The following TMEM45B variants were observed in gnomAD, a reference collection of about 807,000 sequenced individuals.
TMEM45B encodes transmembrane protein 45B.
In TMEM45B, 29 loss-of-function variants were observed where a neutral mutation model predicts 27.3. The ratio of observed to expected loss-of-function variants is 1.06; its 90% CI spans 0.79 to 1.45. The LOEUF is 1.45. Ranked by LOEUF, TMEM45B falls within the 40% of genes most tolerant of loss-of-function variation. The probability of loss-of-function intolerance (pLI) is 0.00; values close to 1 mark genes in which losing one functional copy is unlikely to be tolerated. For missense variants in TMEM45B, 348 were observed against 343.9 expected, an observed-to-expected ratio of 1.01 and a Z score of -0.09; for synonymous variants, 143 against 134.7, an observed-to-expected ratio of 1.06 and a Z score of -0.43.
intron 1 of TMEM45B, among the ~76,000 whole-genome samples, chr11:129,827,597 A>G (rs894867286): frequency 6.6e-6 from 1 of 152,118 alleles, no homozygotes; most frequent in African/African-American, 2.4e-5. Flanking sequence ...TGAGGTCGGG[A>G]GTTTGAGACC....
At chr11:129,835,843 C>T (rs904720133) in intron 1 of TMEM45B, among the ~76,000 whole-genome samples, 5 of 152,174 alleles carry the variant, frequency 3.3e-5, no homozygotes, top group African/African-American at 9.7e-5. Context: ...TTGGGCTGGG[C>T]GCAGTGGCTC....
intron 1 of TMEM45B, among the ~76,000 whole-genome samples, chr11:129,840,607 G>T (rs927912722): frequency 6.6e-6 from 1 of 152,102 alleles, no homozygotes; most frequent in Non-Finnish European, 1.5e-5. Context: ...AGCGGGCTGG[G>T]CACAGTGGCT....
intron 5 of TMEM45B, 163 bp downstream of exon 5, chr11:129,857,621 G>A (rs1947949483): frequency 5.1e-6 from 4 of 788,554 alleles, no homozygotes; most frequent in Non-Finnish European, 7.9e-6. Context: ...AGGGGAATGA[G>A]GCTTTTCAAA....
chr11:129,823,319 A>G (rs1230832318), intron 1 of TMEM45B, among the ~76,000 whole-genome samples: 3 of 152,154 alleles, frequency 2.0e-5, no homozygotes, highest in East Asian at 3.9e-4. Context: ...AAGGGAACAG[A>G]TACTACGTTT....
chr11:129,845,106 C>G (rs906943397), intron 1 of TMEM45B, among the ~76,000 whole-genome samples: 12 of 152,076 alleles, frequency 7.9e-5, no homozygotes, highest in African/African-American at 2.7e-4. Context: ...AGTTTATAAC[C>G]TAGACTTTAT....
intron 1 of TMEM45B, among the ~76,000 whole-genome samples, chr11:129,850,149 G>GT (rs775617921): frequency 0.014 from 2,007 of 142,308 alleles, 25 homozygotes; most frequent in African/African-American, 0.035. Flanking sequence ...CTTTTCTCAC[G>GT]TTTTTTTTTT....
At chr11:129,817,757 C>T (rs1947369667) in intron 1 of TMEM45B, among the ~76,000 whole-genome samples, 1 of 152,178 alleles carries the variant, frequency 6.6e-6, no homozygotes, top group Non-Finnish European at 1.5e-5. Flanking sequence ...TGTTTCTCAT[C>T]TCCCCCCTAC....
At chr11:129,817,473 T>C (rs928141600) in intron 1 of TMEM45B, among the ~76,000 whole-genome samples, 6 of 152,156 alleles carry the variant, frequency 3.9e-5, no homozygotes, top group African/African-American at 1.4e-4. Flanking sequence ...ATTTTACAAG[T>C]GGAGGTGACT....
chr11:129,817,024 G>A (rs1411516214), intron 1 of TMEM45B, among the ~76,000 whole-genome samples: 4 of 151,784 alleles, frequency 2.6e-5, no homozygotes, highest in African/African-American at 9.7e-5. Flanking sequence ...GGGATTACAG[G>A]CGTGAACCAC....
intron 1 of TMEM45B, chr11:129,828,014 T>C (rs1382510393): frequency 7.4e-6 from 1 of 134,434 alleles, no homozygotes; most frequent in Non-Finnish European, 1.7e-5. Flanking sequence ...GGGGCCACCA[T>C]CATACATGCC....
At chr11:129,823,367 T>C (rs1021435841) in intron 1 of TMEM45B, among the ~76,000 whole-genome samples, 1 of 152,196 alleles carries the variant, frequency 6.6e-6, no homozygotes, top group African/African-American at 2.4e-5. Context: ...TTAAGGCCTC[T>C]CACTTGGAAA....
chr11:129,842,704 T>A (rs1243704089), intron 1 of TMEM45B, among the ~76,000 whole-genome samples: 1 of 152,014 alleles, frequency 6.6e-6, no homozygotes, highest in Non-Finnish European at 1.5e-5. Flanking sequence ...TAGAAGAAAA[T>A]ATGCAGGGAA....
In TMEM45B at chr11:129,855,908, C is replaced by T; in HGVS notation, c.570+16C>T. 1 of 1,613,556 alleles carries T rather than the reference C, an allele frequency of 6.2e-7. No homozygotes were observed. The highest frequency in any genetic ancestry group is 8.5e-7 in the Non-Finnish European group (1 of 1,179,674). On this transcript the variant is annotated intron_variant, in intron 4 of 5. Transcript: ENST00000281441. ...GTTCTGGCAGGTGATTTTCCACACC[C>T]AGGCCCCTCGCTGGTCTGGATGGAG...
intron 1 of TMEM45B, among the ~76,000 whole-genome samples, chr11:129,825,737 A>G (rs1237813522): frequency 6.6e-6 from 1 of 152,148 alleles, no homozygotes; most frequent in Non-Finnish European, 1.5e-5. Flanking sequence ...TGCTGAGGGA[A>G]GGAAGGAAGG....
At chr11:129,829,635 G>C (rs188467837) in intron 1 of TMEM45B, among the ~76,000 whole-genome samples, 145 of 152,250 alleles carry the variant, frequency 9.5e-4, no homozygotes, top group African/African-American at 3.3e-3. Context: ...CTAGAACTCT[G>C]CCCACACTAC....
intron 1 of TMEM45B, among the ~76,000 whole-genome samples, chr11:129,847,782 T>C (rs1354167543): frequency 2.0e-5 from 3 of 152,238 alleles, no homozygotes; most frequent in Admixed American, 6.5e-5. Context: ...CCATGTCTAC[T>C]TCTTTCTACA....
chr11:129,853,236 T>G (rs1320581226), intron 2 of TMEM45B, among the ~76,000 whole-genome samples: 1 of 152,186 alleles, frequency 6.6e-6, no homozygotes, highest in Non-Finnish European at 1.5e-5. Context: ...TCCCACTGTT[T>G]CCTTCGCATC....
chr11:129,823,188 C>T (rs1947441189), intron 1 of TMEM45B, among the ~76,000 whole-genome samples: 1 of 152,176 alleles, frequency 6.6e-6, no homozygotes, highest in Non-Finnish European at 1.5e-5. Context: ...GAATTTCTGT[C>T]CTTGAAGGTC....
chr11:129,857,612 G>A, intron 5 of TMEM45B, 154 bp downstream of exon 5: 1 of 817,290 alleles, frequency 1.2e-6, no homozygotes, highest in Non-Finnish European at 1.9e-6. Flanking sequence ...TTGCAAACAA[G>A]GGGAATGAGG....
Sources: gnomAD v4.1 joint callset for allele counts (sites outside exome capture counted in the v4.1 genomes callset) on GRCh38, gnomAD v4.1.1 for gene constraint, MANE v1.5 for transcripts, NCBI Gene and HGNC (gene_info 2026-07-23, HGNC 2026-07-21) for gene names.